Variants in GPT2 observed in about 807,000 individuals in gnomAD.
GPT2 encodes alanine aminotransferase 2.
Under a neutral mutation model 56.9 loss-of-function variants are expected in GPT2, and 30 were observed. The observed-to-expected ratio is 0.53, with a 90% CI of 0.39 to 0.72. The LOEUF (loss-of-function observed/expected upper bound fraction) is 0.72, where lower values mean the gene tolerates loss of function less well. Ranked by LOEUF, GPT2 falls within the 30% of genes least tolerant of loss-of-function variation. The pLI is 0.00. For synonymous variants in GPT2, 271 were observed against 283.1 expected, an observed-to-expected ratio of 0.96 and a Z score of 0.43; for missense variants, 542 against 703.4, an observed-to-expected ratio of 0.77 and a Z score of 2.60.
At chr16:46,901,454 G>A (rs1960815597) in intron 4 of GPT2, among the ~76,000 whole-genome samples, 1 of 152,142 alleles carries the variant, frequency 6.6e-6, no homozygotes, top group Non-Finnish European at 1.5e-5. Context: ...CTGCGGTGAT[G>A]GAGTTCCAGC....
chr16:46,928,196 C>T lies in GPT2; in HGVS notation c.1482-711C>T, dbSNP rs191073411. On this transcript the variant is annotated intron_variant, in intron 11 of 11. Coordinates refer to ENST00000340124, the MANE Select transcript of GPT2 (RefSeq NM_133443.4). ...TTTAAAAACTAGCCAGGGATGTTGGCGCATGCCCGTAATCCTAGCTACTCG... is the reference window on the plus strand; with the variant it reads ...TTTAAAAACTAGCCAGGGATGTTGGTGCATGCCCGTAATCCTAGCTACTCG... Among the ~76,000 whole-genome samples the T allele has an allele frequency of 2.7e-4, 41 of 151,938 alleles. 1 individual carries two copies. The highest frequency in any genetic ancestry group is 2.6e-3 in the Admixed American group (39 of 15,254).
chr16:46,922,691 T>G (rs1961316013), intron 9 of GPT2, among the ~76,000 whole-genome samples: 5 of 152,140 alleles, frequency 3.3e-5, no homozygotes. Context: ...GGAAGGGAGC[T>G]GTGTCCTGAT....
intron 11 of GPT2, 115 bp downstream of exon 11, chr16:46,927,152 C>T (rs1299697887): frequency 1.7e-6 from 1 of 592,262 alleles, no homozygotes; most frequent in African/African-American, 1.9e-5. Flanking sequence ...ACCCTGTCCT[C>T]TCTCGAGTCA....
chr16:46,926,764 C>T (rs1050100850), intron 10 of GPT2, among the ~76,000 whole-genome samples, 161 bp from the exon 11 acceptor site: 1 of 152,238 alleles, frequency 6.6e-6, no homozygotes, highest in Non-Finnish European at 1.5e-5. Flanking sequence ...CACCAGCCAC[C>T]AGCAGTATCC....
Position 46,884,714 on chromosome 16 carries a change from C to G in GPT2, c.-2C>G, listed in dbSNP as rs749695994. 7.3e-6 allele frequency: 10 copies of G among 1,376,584 alleles called. No homozygotes were observed. The highest frequency in any genetic ancestry group is 9.4e-6 in the Non-Finnish European group (10 of 1,063,362). 85.3% of individuals were successfully genotyped at this position (1,376,584 alleles called of 1,614,324 possible). A position where few individuals can be genotyped will look rare whatever the true frequency, so the allele number is the denominator to read the frequency against. Reference sequence around the variant, plus strand: ...GCCAGGGTTTCTCTCCGCAAGCGCGCGATGCAGCGGGCGGCGGCGCTGGTC... The same window carrying G: ...GCCAGGGTTTCTCTCCGCAAGCGCGGGATGCAGCGGGCGGCGGCGCTGGTC... On this transcript the variant is annotated 5_prime_UTR_variant, in exon 2 of 12. Coordinates refer to ENST00000340124, the MANE Select transcript of GPT2 (RefSeq NM_133443.4).
intron 4 of GPT2, 70 bp from the exon 5 acceptor site, chr16:46,906,772 A>C: frequency 6.3e-7 from 1 of 1,581,504 alleles, no homozygotes; most frequent in South Asian, 1.1e-5. Context: ...AATTATATGG[A>C]TGTTAATTAT....
In GPT2 at chr16:46,897,534, G is replaced by A. The variant is rs1354197565; in HGVS notation, c.244-114G>A. On this transcript the variant is annotated intron_variant, in intron 2 of 11. Transcript: ENST00000340124. ...AGGCCTGGCACCAAGTCAGATACTT[G>A]GTAAGCCTCAAAATAGGGCTGTTTA... 14 of 908,428 alleles carry A rather than the reference G, an allele frequency of 1.5e-5. No homozygotes were observed. In the African/African-American group the frequency reaches 2.1e-4, roughly 14 times the overall value. The allele number at this position is 908,428 out of a possible 1,614,324, so 56.3% of individuals were successfully genotyped here. A position where few individuals can be genotyped will look rare whatever the true frequency, so the allele number is the denominator to read the frequency against.
intron 3 of GPT2, among the ~76,000 whole-genome samples, chr16:46,899,019 ATATATATATATATATATTT>A (rs1477369527): frequency 1.5e-3 from 33 of 21,934 alleles, no homozygotes; most frequent in African/African-American, 2.1e-3. Flanking sequence ...ATATATATAT[ATATATATATATATATATTT>A]TTTTTTTTTT....
Position 46,888,223 on chromosome 16 carries a change from A to C in GPT2, c.243+3265A>C, listed in dbSNP as rs535270390. ...ACATCAGTGTGTGTTGCATCCAAACAAAGGTAAAAGCAGAGGGTGCTAAGG... is the reference window on the plus strand; with the variant it reads ...ACATCAGTGTGTGTTGCATCCAAACCAAGGTAAAAGCAGAGGGTGCTAAGG... On this transcript the variant is annotated intron_variant, in intron 2 of 11. Transcript: ENST00000340124. 2.0e-5 allele frequency among the ~76,000 whole-genome samples: 3 copies of C among 152,386 alleles called. No homozygotes were observed. The East Asian group carries it at 5.8e-4, about 29-fold the overall frequency.
At chr16:46,921,149 C>A (rs1238135620) in intron 8 of GPT2, among the ~76,000 whole-genome samples, 1 of 152,124 alleles carries the variant, frequency 6.6e-6, no homozygotes, top group Non-Finnish European at 1.5e-5. Flanking sequence ...AGTGTGATCC[C>A]AAAAGCATGG....
intron 8 of GPT2, among the ~76,000 whole-genome samples, chr16:46,920,348 T>C (rs186370845): frequency 6.6e-6 from 1 of 152,382 alleles, no homozygotes; most frequent in Admixed American, 6.5e-5. Flanking sequence ...CCAGGCAGGC[T>C]GACCTCTGGT....
intron 5 of GPT2, among the ~76,000 whole-genome samples, chr16:46,908,264 G>A (rs907481839): frequency 6.6e-6 from 1 of 150,446 alleles, no homozygotes; most frequent in Non-Finnish European, 1.5e-5. Flanking sequence ...GTCCCGGTGG[G>A]GGACTGGTGG....
At chr16:46,902,200 T>C (rs1003358693) in intron 4 of GPT2, among the ~76,000 whole-genome samples, 1 of 152,190 alleles carries the variant, frequency 6.6e-6, no homozygotes, top group Non-Finnish European at 1.5e-5. Flanking sequence ...ACTGTGTCCC[T>C]GTGAGTTCCC....
intron 2 of GPT2, 23 bp from the exon 3 acceptor site, chr16:46,897,625 C>T (rs2143392402): frequency 6.2e-7 from 1 of 1,608,820 alleles, no homozygotes; most frequent in Admixed American, 1.7e-5. Flanking sequence ...TAAGTAACCA[C>T]CTGTTGCTTT....
chr16:46,924,456 T>C lies in GPT2; in HGVS notation c.1280T>C (p.Val427Ala), dbSNP rs1473643883. 1 of 1,614,180 alleles carries C rather than the reference T, an allele frequency of 6.2e-7. No individual in the cohort carries two copies. The highest frequency in any genetic ancestry group is 2.2e-5 in the East Asian group (1 of 44,888). ...AKLTEDLFNQ[V>A]PGIHCNPLQG... Reference sequence around the variant, plus strand: ...CTGACGGAAGACCTGTTTAACCAAGTCCCAGGAATTCACTGCAACCCCTTG... The same window carrying C: ...CTGACGGAAGACCTGTTTAACCAAGCCCCAGGAATTCACTGCAACCCCTTG... Residue 427 changes from valine to alanine, a missense_variant, in exon 10 of 12, where the codon GTC becomes GCC. Coordinates refer to ENST00000340124, the MANE Select transcript of GPT2 (RefSeq NM_133443.4).
Position 46,922,517 on chromosome 16 carries a change from C to G in GPT2, c.1212+101C>G, listed in dbSNP as rs947923927. 6 of 1,172,380 alleles carry G rather than the reference C, an allele frequency of 5.1e-6. No homozygotes were observed. The African/African-American group carries it at 9.3e-5, about 18-fold the overall frequency. 72.6% of individuals were successfully genotyped at this position (1,172,380 alleles called of 1,614,324 possible). On this transcript the variant is annotated intron_variant, in intron 9 of 11. Coordinates refer to ENST00000340124, the MANE Select transcript of GPT2 (RefSeq NM_133443.4). ...TCTCCAGGTGGCCAGACAGCAGCCTCCTGAGGGTGTGGCCTGCAGGTGCAC... is the reference window on the plus strand; with the variant it reads ...TCTCCAGGTGGCCAGACAGCAGCCTGCTGAGGGTGTGGCCTGCAGGTGCAC...
At chr16:46,889,802 C>T (rs745671596) in intron 2 of GPT2, among the ~76,000 whole-genome samples, 23 of 152,182 alleles carry the variant, frequency 1.5e-4, no homozygotes, top group Non-Finnish European at 3.4e-4. Flanking sequence ...CCTGCCAAGT[C>T]TTCCTTCTGA....
intron 2 of GPT2, among the ~76,000 whole-genome samples, chr16:46,888,226 G>A (rs1596858152): frequency 6.6e-6 from 1 of 152,220 alleles, no homozygotes; most frequent in South Asian, 2.1e-4. Context: ...TCCAAACAAA[G>A]GTAAAAGCAG....
intron 2 of GPT2, among the ~76,000 whole-genome samples, chr16:46,890,289 C>A (rs1305157814): frequency 6.6e-6 from 1 of 152,162 alleles, no homozygotes; most frequent in Non-Finnish European, 1.5e-5. Context: ...GCTTTCTGCC[C>A]GCCCTAGCCC....
Sources: gnomAD v4.1 joint callset for allele counts (sites outside exome capture counted in the v4.1 genomes callset) on GRCh38, gnomAD v4.1.1 for gene constraint, MANE v1.5 for transcripts, NCBI Gene and HGNC (gene_info 2026-07-23, HGNC 2026-07-21) for gene names.